The following RAB38 variants were observed in gnomAD, a reference collection of about 807,000 sequenced individuals.
The protein encoded by RAB38 is ras-related protein Rab-38.
In RAB38, 15 loss-of-function variants were observed where a neutral mutation model predicts 18.4. That is an observed-to-expected ratio of 0.82 (90% CI 0.55 to 1.26). RAB38 has a LOEUF of 1.26. RAB38 is among the 50% of genes most tolerant of loss of function. The pLI is 0.00. For synonymous variants in RAB38, 101 were observed against 104.4 expected, an observed-to-expected ratio of 0.97 and a Z score of 0.20; for missense variants, 294 against 267.4, an observed-to-expected ratio of 1.10 and a Z score of -0.69.
At chr11:87,819,752 GTGTATGTATATATATGTGTA>G in the RAB38 span, among the ~76,000 whole-genome samples, 886 of 5,486 alleles carry the variant, frequency 0.16, 15 homozygotes, top group African/African-American at 0.32. Flanking sequence ...ATATATATAC[GTGTATGTATATATATGTGTA>G]TATATATATA....
the RAB38 span, among the ~76,000 whole-genome samples, chr11:87,910,256 T>G: frequency 6.6e-6 from 1 of 152,240 alleles, no homozygotes; most frequent in East Asian, 1.9e-4. Context: ...TCCACCTATG[T>G]GTCTTTTTTG....
At chr11:88,022,632 A>AAAAAAAAAG in the RAB38 span, among the ~76,000 whole-genome samples, 1 of 150,830 alleles carries the variant, frequency 6.6e-6, no homozygotes, top group Non-Finnish European at 1.5e-5. Flanking sequence ...AAAAAAAAAA[A>AAAAAAAAAG]CAACTATTAG....
At chr11:87,925,275 G>T in the RAB38 span, among the ~76,000 whole-genome samples, 2 of 151,956 alleles carry the variant, frequency 1.3e-5, no homozygotes, top group African/African-American at 4.8e-5. Flanking sequence ...TAATTCAAAC[G>T]CCAATTCTTC....
chr11:88,127,534 G>A (rs1013830492), intron 2 of RAB38, among the ~76,000 whole-genome samples: 18 of 152,198 alleles, frequency 1.2e-4, no homozygotes, highest in African/African-American at 4.1e-4. Flanking sequence ...TTTGTGGAAA[G>A]AGACATTCAT....
chr11:87,845,697 T>C, the RAB38 span, among the ~76,000 whole-genome samples: 4 of 152,018 alleles, frequency 2.6e-5, no homozygotes, highest in African/African-American at 9.7e-5. Context: ...GAATGCTTGG[T>C]GAATCCTAAA....
chr11:87,921,439 C>T, the RAB38 span, among the ~76,000 whole-genome samples: 1 of 151,618 alleles, frequency 6.6e-6, no homozygotes, highest in Non-Finnish European at 1.5e-5. Context: ...AAGGTAGGCT[C>T]GGCTAAGCTA....
At chr11:87,924,198 A>G in the RAB38 span, among the ~76,000 whole-genome samples, 2 of 152,096 alleles carry the variant, frequency 1.3e-5, no homozygotes, top group African/African-American at 4.8e-5. Flanking sequence ...TGCTTCCCCA[A>G]TTTGGCAAGT....
the RAB38 span, among the ~76,000 whole-genome samples, chr11:87,818,097 T>G: frequency 6.6e-6 from 1 of 152,214 alleles, no homozygotes; most frequent in African/African-American, 2.4e-5. Context: ...CTGAAGGTCT[T>G]GTTAAAATAC....
intron 2 of RAB38, among the ~76,000 whole-genome samples, chr11:88,128,897 A>G (rs1238301935): frequency 6.6e-6 from 1 of 152,174 alleles, no homozygotes; most frequent in African/African-American, 2.4e-5. Flanking sequence ...GGCAACTTCT[A>G]CTGGGACAAC....
the RAB38 span, among the ~76,000 whole-genome samples, chr11:88,021,627 G>A: frequency 4.0e-3 from 596 of 148,560 alleles, 3 homozygotes; most frequent in African/African-American, 0.014. Context: ...GTTTTGCTCC[G>A]TCACTCAGGC....
At chr11:88,041,423 T>C in the RAB38 span, among the ~76,000 whole-genome samples, 1 of 152,222 alleles carries the variant, frequency 6.6e-6, no homozygotes, top group Non-Finnish European at 1.5e-5. Context: ...AACACTTCTG[T>C]CACAATACAC....
chr11:87,929,658 C>T, the RAB38 span, among the ~76,000 whole-genome samples: 1 of 151,430 alleles, frequency 6.6e-6, no homozygotes, highest in African/African-American at 2.4e-5. Flanking sequence ...TGGTGTGCTG[C>T]ACCCATTAAG....
the RAB38 span, chr11:87,879,852 A>G: frequency 1.3e-5 from 2 of 151,860 alleles, no homozygotes; most frequent in African/African-American, 4.8e-5. Flanking sequence ...AATAAATGCA[A>G]TAATATCTAT....
At chr11:88,041,927 A>G in the RAB38 span, among the ~76,000 whole-genome samples, 1 of 152,098 alleles carries the variant, frequency 6.6e-6, no homozygotes, top group Non-Finnish European at 1.5e-5. Flanking sequence ...GAGCTGTTAC[A>G]AGCTATGAGG....
the RAB38 span, among the ~76,000 whole-genome samples, chr11:88,018,228 T>C: frequency 1.3e-5 from 2 of 152,196 alleles, no homozygotes; most frequent in African/African-American, 4.8e-5. Context: ...TGAGCCAGTC[T>C]GTACCCGTAT....
At chr11:87,972,044 G>A in the RAB38 span, among the ~76,000 whole-genome samples, 1 of 151,898 alleles carries the variant, frequency 6.6e-6, no homozygotes, top group Non-Finnish European at 1.5e-5. Context: ...ACAGAAGATG[G>A]AAACTTTCCT....
At chr11:88,086,586 G>A in the RAB38 span, among the ~76,000 whole-genome samples, 1 of 151,926 alleles carries the variant, frequency 6.6e-6, no homozygotes, top group African/African-American at 2.4e-5. Context: ...AGAGTAGGAG[G>A]TAAGCTTGGG....
chr11:88,042,169 A>G, the RAB38 span, among the ~76,000 whole-genome samples: 8 of 152,196 alleles, frequency 5.3e-5, no homozygotes, highest in Admixed American at 5.2e-4. Flanking sequence ...CTAAGAAATC[A>G]TAGGTCATAG....
At chr11:88,132,510 T>C (rs1942777935) in intron 2 of RAB38, among the ~76,000 whole-genome samples, 1 of 152,190 alleles carries the variant, frequency 6.6e-6, no homozygotes, top group South Asian at 2.1e-4. Context: ...CAGGCTGGAG[T>C]ACAATGGCAC....
Sources: gnomAD v4.1 joint callset for allele counts (sites outside exome capture counted in the v4.1 genomes callset) on GRCh38, gnomAD v4.1.1 for gene constraint, MANE v1.5 for transcripts, NCBI Gene and HGNC (gene_info 2026-07-23, HGNC 2026-07-21) for gene names.